The following PDE1A variants were observed in gnomAD, a reference collection of about 807,000 sequenced individuals.
PDE1A encodes the protein dual specificity calcium/calmodulin-dependent 3',5'-cyclic nucleotide phosphodiesterase 1A.
In PDE1A, 35 loss-of-function variants were observed where a neutral mutation model predicts 61.7. The ratio of observed to expected loss-of-function variants is 0.57; its 90% CI spans 0.43 to 0.75. The LOEUF is 0.75. Among genes scored for constraint, PDE1A ranks in the 30% least tolerant of loss-of-function variants. The probability of loss-of-function intolerance (pLI) is 0.00; values close to 1 mark genes in which losing one functional copy is unlikely to be tolerated. For missense variants in PDE1A, 597 were observed against 630.6 expected (o/e 0.95, Z 0.57); for synonymous variants, 232 against 213.2 (o/e 1.09, Z -0.77).
At chr2:182,573,765 G>A in the PDE1A span, among the ~76,000 whole-genome samples, 2 of 150,136 alleles carry the variant, frequency 1.3e-5, no homozygotes, top group South Asian at 4.2e-4. Flanking sequence ...AAACGATTCA[G>A]CAAAAATATA....
chr2:182,637,445 C>A, the PDE1A span, among the ~76,000 whole-genome samples: 2 of 152,070 alleles, frequency 1.3e-5, no homozygotes, highest in African/African-American at 4.8e-5. Context: ...GCATAAGAAT[C>A]TGAATTTTTA....
At chr2:182,311,537 T>C (rs1459514339) in intron 1 of PDE1A, among the ~76,000 whole-genome samples, 1 of 152,214 alleles carries the variant, frequency 6.6e-6, no homozygotes, top group Non-Finnish European at 1.5e-5. Flanking sequence ...CCTACAGTTT[T>C]GCTTTTCTAA....
the PDE1A span, among the ~76,000 whole-genome samples, chr2:182,656,622 T>G: frequency 6.6e-6 from 1 of 152,218 alleles, no homozygotes; most frequent in Non-Finnish European, 1.5e-5. Context: ...TACTTAGTCT[T>G]CAATGAGTAG....
chr2:182,285,986 G>A (rs184673044), intron 1 of PDE1A, among the ~76,000 whole-genome samples: 15 of 152,228 alleles, frequency 9.9e-5, no homozygotes, highest in South Asian at 2.1e-4. Context: ...GTTTTCATCC[G>A]TAAAGCTGGA....
At chr2:182,434,621 A>G in intron 2 of PDE1A, among the ~76,000 whole-genome samples, 1 of 152,020 alleles carries the variant, frequency 6.6e-6, no homozygotes, top group Non-Finnish European at 1.5e-5. Context: ...AAAAGTCCCC[A>G]CCTCTACTAC....
chr2:182,309,654 CAT>C (rs142062206), intron 1 of PDE1A, among the ~76,000 whole-genome samples: 1,635 of 152,146 alleles, frequency 0.011, 25 homozygotes, highest in South Asian at 0.073. Flanking sequence ...GTCAAAATCA[CAT>C]GTGCAATTGT....
intron 2 of PDE1A, among the ~76,000 whole-genome samples, chr2:182,477,775 C>T (rs994480290): frequency 2.0e-5 from 3 of 151,870 alleles, no homozygotes; most frequent in Non-Finnish European, 4.4e-5. Context: ...TTACGGTAAA[C>T]GACACACGAA....
At chr2:182,315,006 G>A (rs766632193) in intron 1 of PDE1A, among the ~76,000 whole-genome samples, 32 of 152,034 alleles carry the variant, frequency 2.1e-4, no homozygotes, top group Non-Finnish European at 4.0e-4. Flanking sequence ...GGGTCTGGAA[G>A]GTATGTTTTC....
At chr2:182,241,641 C>T (rs1031125132) in intron 2 of PDE1A, among the ~76,000 whole-genome samples, 8 of 152,166 alleles carry the variant, frequency 5.3e-5, no homozygotes, top group Non-Finnish European at 1.0e-4. Flanking sequence ...GCAGAAAAGT[C>T]ATTTGCCAAT....
chr2:182,228,527 A>G (rs1420062095), intron 6 of PDE1A, among the ~76,000 whole-genome samples: 1 of 152,170 alleles, frequency 6.6e-6, no homozygotes, highest in African/African-American at 2.4e-5. Context: ...GAAAATTTCT[A>G]TAAAGCTTTT....
At chr2:182,432,821 A>T (rs944454837) in intron 2 of PDE1A, among the ~76,000 whole-genome samples, 10 of 151,916 alleles carry the variant, frequency 6.6e-5, no homozygotes, top group Non-Finnish European at 1.2e-4. Flanking sequence ...GATCTCCTTT[A>T]TGTCCTCTGG....
chr2:182,183,108 C>T (rs2125382107), intron 13 of PDE1A, among the ~76,000 whole-genome samples: 1 of 152,156 alleles, frequency 6.6e-6, no homozygotes, highest in Non-Finnish European at 1.5e-5. Flanking sequence ...TCATATAGCG[C>T]TTAGTACTCT....
At chr2:182,464,759 A>T (rs1014509877) in intron 2 of PDE1A, among the ~76,000 whole-genome samples, 2 of 152,120 alleles carry the variant, frequency 1.3e-5, no homozygotes, top group Non-Finnish European at 2.9e-5. Context: ...CACTGAAGGG[A>T]AACATCAGCA....
intron 2 of PDE1A, among the ~76,000 whole-genome samples, chr2:182,468,057 G>A (rs999253175): frequency 6.6e-6 from 1 of 151,944 alleles, no homozygotes; most frequent in Non-Finnish European, 1.5e-5. Flanking sequence ...TTTCCTGGTA[G>A]AGAATCTTTC....
At chr2:182,603,192 G>A in the PDE1A span, among the ~76,000 whole-genome samples, 1 of 152,030 alleles carries the variant, frequency 6.6e-6, no homozygotes, top group Admixed American at 6.5e-5. Flanking sequence ...ATTGTTTCTA[G>A]AAATTCTCTC....
the PDE1A span, among the ~76,000 whole-genome samples, chr2:182,706,116 A>G: frequency 1.3e-5 from 2 of 152,218 alleles, no homozygotes; most frequent in Non-Finnish European, 2.9e-5. Flanking sequence ...TCCAAAAGCC[A>G]TCAGCAGGTC....
intron 7 of PDE1A, among the ~76,000 whole-genome samples, chr2:182,220,824 G>GAATT (rs1206744491): frequency 6.6e-6 from 1 of 151,970 alleles, no homozygotes; most frequent in Non-Finnish European, 1.5e-5. Flanking sequence ...AAATAAAATA[G>GAATT]AATTAGTGAT....
intron 2 of PDE1A, among the ~76,000 whole-genome samples, chr2:182,262,955 ATGTGTGTGTGTGTGTG>A (rs60469609): frequency 6.8e-6 from 1 of 147,158 alleles, no homozygotes; most frequent in Non-Finnish European, 1.5e-5. Flanking sequence ...TTATTAAACA[ATGTGTGTGTGTGTGTG>A]TGTGTGTGTG....
the PDE1A span, among the ~76,000 whole-genome samples, chr2:182,562,047 T>C: frequency 1.3e-5 from 2 of 150,528 alleles, no homozygotes; most frequent in African/African-American, 4.8e-5. Flanking sequence ...ATACCCTTTA[T>C]TTCCTTCTCC....
Sources: allele counts gnomAD v4.1 joint callset (sites outside exome capture counted in the v4.1 genomes callset), GRCh38; gene constraint gnomAD v4.1.1; transcripts MANE v1.5; gene names NCBI Gene and HGNC (gene_info 2026-07-23, HGNC 2026-07-21).